AGMO: variants seen among roughly 807,000 people sequenced by gnomAD.
The protein encoded by AGMO is glyceryl-ether monooxygenase.
Under a neutral mutation model 60.2 loss-of-function variants are expected in AGMO, and 75 were observed. The observed-to-expected ratio is 1.25, with a 90% CI of 1.03 to 1.51. AGMO has a LOEUF of 1.51. AGMO is among the 40% of genes most tolerant of loss of function. The pLI, the probability that AGMO is intolerant of heterozygous loss-of-function variation, is 0.00. For missense variants in AGMO, 763 were observed against 525.5 expected, an observed-to-expected ratio of 1.45 and a Z score of -4.42; for synonymous variants, 261 against 177.1, an observed-to-expected ratio of 1.47 and a Z score of -3.76.
chr7:15,462,169 G>GA (rs1782159819), intron 3 of AGMO, among the ~76,000 whole-genome samples: 1 of 152,080 alleles, frequency 6.6e-6, no homozygotes, highest in African/African-American at 2.4e-5. Context: ...AAGTTTCGGA[G>GA]AATATCAGAA....
intron 6 of AGMO, among the ~76,000 whole-genome samples, chr7:15,392,538 G>A (rs1262967578): frequency 6.6e-6 from 1 of 151,952 alleles, no homozygotes; most frequent in East Asian, 1.9e-4. Context: ...CAGTGACTCA[G>A]GCCTGTAATC....
chr7:15,192,716 C>T, the AGMO span, among the ~76,000 whole-genome samples: 3 of 152,174 alleles, frequency 2.0e-5, no homozygotes, highest in Non-Finnish European at 4.4e-5. Flanking sequence ...CCCTTAGACG[C>T]TACTGTGGTT....
At chr7:15,549,851 C>A (rs1784896425) in intron 2 of AGMO, among the ~76,000 whole-genome samples, 1 of 151,828 alleles carries the variant, frequency 6.6e-6, no homozygotes, top group Non-Finnish European at 1.5e-5. Context: ...CACCCCAAAT[C>A]AACAGAATAT....
chr7:15,170,832 G>A, the AGMO span, among the ~76,000 whole-genome samples: 1 of 152,146 alleles, frequency 6.6e-6, no homozygotes, highest in Non-Finnish European at 1.5e-5. Context: ...CCTCTTGGCT[G>A]TGATAGTGTC....
intron 3 of AGMO, among the ~76,000 whole-genome samples, chr7:15,469,347 A>G (rs927180864): frequency 6.6e-6 from 1 of 152,162 alleles, no homozygotes; most frequent in African/African-American, 2.4e-5. Flanking sequence ...TTTATCTATA[A>G]TATCTAAGAC....
chr7:15,297,070 A>T (rs201152800), intron 12 of AGMO, among the ~76,000 whole-genome samples: 1 of 96,794 alleles, frequency 1.0e-5, no homozygotes, highest in Non-Finnish European at 2.4e-5. Context: ...TCTCTCTCAC[A>T]CACACAGACA....
chr7:15,391,460 A>G (rs1784134901), intron 6 of AGMO, among the ~76,000 whole-genome samples: 2 of 152,170 alleles, frequency 1.3e-5, no homozygotes, highest in African/African-American at 4.8e-5. Flanking sequence ...CCGCTAAATA[A>G]TTATAATGCA....
chr7:15,327,476 C>T (rs926905435), intron 12 of AGMO, among the ~76,000 whole-genome samples: 2 of 152,036 alleles, frequency 1.3e-5, no homozygotes, highest in Admixed American at 1.3e-4. Flanking sequence ...CACTCACATG[C>T]AAAGATCATT....
intron 12 of AGMO, among the ~76,000 whole-genome samples, chr7:15,317,302 C>T (rs915898662): frequency 6.6e-6 from 1 of 151,896 alleles, no homozygotes; most frequent in Non-Finnish European, 1.5e-5. Context: ...AATTTATGAC[C>T]CGGAAAAGTA....
chr7:15,479,418 G>A (rs1782689360), intron 3 of AGMO, among the ~76,000 whole-genome samples: 1 of 152,126 alleles, frequency 6.6e-6, no homozygotes, highest in African/African-American at 2.4e-5. Flanking sequence ...TGAAGGATTA[G>A]GTCACTCGCC....
intron 3 of AGMO, among the ~76,000 whole-genome samples, chr7:15,487,756 C>T (rs146726281): frequency 1.4e-4 from 22 of 151,974 alleles, no homozygotes; most frequent in African/African-American, 5.1e-4. Context: ...AAAAAAAACA[C>T]ATAAAATGGG....
chr7:15,342,153 G>A (rs1336551889), intron 12 of AGMO, among the ~76,000 whole-genome samples: 2 of 107,494 alleles, frequency 1.9e-5, no homozygotes, highest in Admixed American at 1.2e-4. Context: ...AGTAAGCTGA[G>A]AGTAGATACC....
chr7:15,249,314 C>A (rs185886946), intron 12 of AGMO, among the ~76,000 whole-genome samples: 2 of 152,020 alleles, frequency 1.3e-5, no homozygotes. Flanking sequence ...CAGAATATAG[C>A]CTGTTCTTGT....
chr7:15,376,785 A>C (rs1035724448), intron 10 of AGMO, among the ~76,000 whole-genome samples: 2 of 152,054 alleles, frequency 1.3e-5, no homozygotes, highest in Non-Finnish European at 1.5e-5. Flanking sequence ...GCAGCTGAGG[A>C]ATTGATTTTT....
In AGMO at chr7:15,347,077, A is replaced by G. The variant is rs1782061105; in HGVS notation, c.1263+18437T>C. ...AGGTGAATGTAGGTACTACATTAAA[A>G]TGAATCAAACTTTAAATGACTCTGT... On this transcript the variant is annotated intron_variant, in intron 12 of 12. Coordinates refer to ENST00000342526, the MANE Select transcript of AGMO (RefSeq NM_001004320.2). 3.3e-5 allele frequency among the ~76,000 whole-genome samples: 5 copies of G among 152,130 alleles called. No homozygotes were observed. In the South Asian group the frequency reaches 1.0e-3, roughly 32 times the overall value.
intron 12 of AGMO, among the ~76,000 whole-genome samples, chr7:15,309,614 G>C (rs1001014554): frequency 6.6e-6 from 1 of 151,912 alleles, no homozygotes; most frequent in African/African-American, 2.4e-5. Context: ...CTAATTATTA[G>C]TTTTCTATAT....
At chr7:15,314,497 C>T (rs1190654825) in intron 12 of AGMO, among the ~76,000 whole-genome samples, 1 of 152,068 alleles carries the variant, frequency 6.6e-6, no homozygotes, top group African/African-American at 2.4e-5. Context: ...TTATATTGTA[C>T]TTTAAATCAC....
intron 12 of AGMO, among the ~76,000 whole-genome samples, chr7:15,337,661 T>C (rs1422586994): frequency 1.3e-5 from 2 of 152,120 alleles, no homozygotes; most frequent in Admixed American, 6.6e-5. Flanking sequence ...CCCTCAACAA[T>C]CCTAATGCTT....
At chr7:15,272,673 T>G (rs1414438418) in intron 12 of AGMO, among the ~76,000 whole-genome samples, 1 of 152,164 alleles carries the variant, frequency 6.6e-6, no homozygotes, top group Non-Finnish European at 1.5e-5. Context: ...TCAAATGGTA[T>G]TTCTAGTTCT....
Sources: allele counts gnomAD v4.1 joint callset (sites outside exome capture counted in the v4.1 genomes callset), GRCh38; gene constraint gnomAD v4.1.1; transcripts MANE v1.5; gene names NCBI Gene and HGNC (gene_info 2026-07-23, HGNC 2026-07-21).